Variants in MYO18B observed in about 807,000 individuals in gnomAD.
MYO18B encodes myosin XVIIIB.
MYO18B carries 204 observed loss-of-function variants against 273.0 expected under a neutral mutation model. That is an observed-to-expected ratio of 0.75 (90% CI 0.67 to 0.84). The LOEUF is 0.84. Ranked by LOEUF, MYO18B falls within the 40% of genes least tolerant of loss-of-function variation. The pLI is 0.00. For synonymous variants in MYO18B, 1,330 were observed against 1,305.7 expected (o/e 1.02, Z -0.40); for missense variants, 3,212 against 3,287.6 (o/e 0.98, Z 0.56).
rs781528640 is a variant in MYO18B at position 25,851,475 on chromosome 22, G to A, written c.3781G>A (p.Ala1261Thr). ...EALRLHRTGYADHMGLTRFRR... is the reference protein window; with the variant it reads ...EALRLHRTGYTDHMGLTRFRR... ...GCCTGCTCCTACCTCCCTAGGCTATGCTGACCACATGGGGCTCACTCGCTT... is the reference window on the plus strand; with the variant it reads ...GCCTGCTCCTACCTCCCTAGGCTATACTGACCACATGGGGCTCACTCGCTT... The change falls in exon 21 of 44, where the codon GCT becomes ACT. Residue 1261 changes from alanine to threonine, a missense_variant. By Grantham distance (58) the Ala-to-Thr change is moderately conservative. Coordinates refer to ENST00000335473, the MANE Select transcript of MYO18B (RefSeq NM_032608.7). 2 of 1,554,402 alleles carry A rather than the reference G, an allele frequency of 1.3e-6. No homozygotes were observed. The highest frequency in any genetic ancestry group is 1.7e-6 in the Non-Finnish European group (2 of 1,148,388).
At chr22:25,764,053 C>T (rs759870162) in intron 3 of MYO18B, among the ~76,000 whole-genome samples, 1 of 152,160 alleles carries the variant, frequency 6.6e-6, no homozygotes, top group Non-Finnish European at 1.5e-5. Context: ...TCTCCTGAGT[C>T]CCTTGGAATG....
intron 36 of MYO18B, among the ~76,000 whole-genome samples, chr22:25,949,691 A>G (rs747065600): frequency 2.0e-5 from 3 of 152,212 alleles, no homozygotes; most frequent in African/African-American, 4.8e-5. Context: ...CCACTTGCGA[A>G]TCACACTTAT....
At chr22:25,743,012 A>T (rs2085673786) in intron 1 of MYO18B, among the ~76,000 whole-genome samples, 1 of 152,186 alleles carries the variant, frequency 6.6e-6, no homozygotes, top group South Asian at 2.1e-4. Flanking sequence ...AGAGGAGAAG[A>T]CCTCACCAGC....
intron 25 of MYO18B, among the ~76,000 whole-genome samples, chr22:25,886,795 A>G (rs2146256167): frequency 6.6e-6 from 1 of 152,314 alleles, no homozygotes; most frequent in Non-Finnish European, 1.5e-5. Context: ...GCTGGGAATC[A>G]GGCAGCCCAA....
At position 26,030,996 on chromosome 22, in the gene MYO18B, GA is replaced by G; in HGVS notation, c.*568del. The G allele has an allele frequency of 5.0e-6, 2 of 397,798 alleles. No individual in the cohort carries two copies. The highest frequency in any genetic ancestry group is 8.9e-6 in the Non-Finnish European group (2 of 225,642). The allele number at this position is 397,798 out of a possible 1,614,324, so 24.6% of individuals were successfully genotyped here. On this transcript the variant is annotated 3_prime_UTR_variant, in exon 44 of 44. Coordinates refer to ENST00000335473, the MANE Select transcript of MYO18B (RefSeq NM_032608.7). Reference sequence around the variant, plus strand: ...AGCATTCAAGAAACTGATGAATGATGAATGAATGAATGAGCCAAAGAACAAA... The same window carrying G: ...AGCATTCAAGAAACTGATGAATGATGATGAATGAATGAGCCAAAGAACAAA...
chr22:25,894,870 A>G (rs1460535284), intron 27 of MYO18B: 2 of 238,076 alleles, frequency 8.4e-6, no homozygotes, highest in African/African-American at 4.5e-5. Context: ...GAAGATATGA[A>G]TACACTTATA....
At chr22:26,001,647 ATGT>A (rs1166473063) in intron 40 of MYO18B, among the ~76,000 whole-genome samples, 2 of 152,180 alleles carry the variant, frequency 1.3e-5, no homozygotes, top group Non-Finnish European at 2.9e-5. Context: ...GAACCCATTG[ATGT>A]TGTCCATACA....
At chr22:25,958,219 A>G (rs917292771) in intron 39 of MYO18B, among the ~76,000 whole-genome samples, 1 of 152,052 alleles carries the variant, frequency 6.6e-6, no homozygotes, top group African/African-American at 2.4e-5. Flanking sequence ...CCTGGCCTAC[A>G]AACCCTTTTT....
At chr22:25,978,380 A>G (rs1304747013) in intron 39 of MYO18B, among the ~76,000 whole-genome samples, 1 of 152,210 alleles carries the variant, frequency 6.6e-6, no homozygotes, top group Non-Finnish European at 1.5e-5. Flanking sequence ...GCACAGAGGC[A>G]TCAAAGAACA....
chr22:26,060,243 C>T, the MYO18B span, among the ~76,000 whole-genome samples: 1 of 152,212 alleles, frequency 6.6e-6, no homozygotes, highest in African/African-American at 2.4e-5. Context: ...CTTTGAACTA[C>T]AACAGAAGAT....
At chr22:26,030,307 C>G (rs573484369) in intron 43 of MYO18B, 136 bp from the exon 44 acceptor site, 1 of 152,464 alleles carries the variant, frequency 6.6e-6, no homozygotes, top group East Asian at 1.9e-4. Flanking sequence ...AACCCAGGAG[C>G]TGGAGGCTGC....
chr22:25,875,713 G>A (rs1490223332), intron 23 of MYO18B, among the ~76,000 whole-genome samples: 4 of 152,200 alleles, frequency 2.6e-5, no homozygotes, highest in Non-Finnish European at 5.9e-5. Context: ...ATTCAAGTTT[G>A]AGAAGCATGA....
At chr22:25,891,244 A>G (rs1326130213) in intron 26 of MYO18B, 60 bp from the exon 27 acceptor site, 3 of 1,259,756 alleles carry the variant, frequency 2.4e-6, no homozygotes, top group Middle Eastern at 1.9e-4. Context: ...TTCATGGGTA[A>G]GATGACCAGC....
intron 17 of MYO18B, among the ~76,000 whole-genome samples, chr22:25,835,662 C>T (rs2089872397): frequency 6.6e-6 from 1 of 152,242 alleles, no homozygotes; most frequent in African/African-American, 2.4e-5. Context: ...TGTTAGTTAA[C>T]CAGCCTGGCG....
intron 17 of MYO18B, among the ~76,000 whole-genome samples, chr22:25,836,307 T>C (rs943821721): frequency 6.6e-6 from 1 of 152,184 alleles, no homozygotes; most frequent in African/African-American, 2.4e-5. Flanking sequence ...CTGGCCCTTT[T>C]TTCTCTAGAA....
chr22:25,888,026 G>T (rs1305470961), intron 25 of MYO18B, among the ~76,000 whole-genome samples: 2 of 152,118 alleles, frequency 1.3e-5, no homozygotes, highest in Non-Finnish European at 2.9e-5. Flanking sequence ...TGTATTGTGT[G>T]GCCAGTGCAA....
rs1198692474 is a variant in MYO18B, at chr22:25,770,866, A to C, written c.1580-6A>C. The C allele has an allele frequency of 1.3e-6, 2 of 1,550,666 alleles. No homozygotes were observed. The highest frequency in any genetic ancestry group is 1.2e-5 in the South Asian group (1 of 84,006). On this transcript the variant is annotated splice_region_variant and splice_polypyrimidine_tract_variant and intron_variant, in intron 5 of 43. Transcript: ENST00000335473. ...TTCCCCTTCTCTCTCTGGGATGTCC[A>C]ACCAGCTACGGTGCTAAAGCCAGAT...
intron 42 of MYO18B, among the ~76,000 whole-genome samples, chr22:26,016,555 G>A (rs1047043495): frequency 6.6e-6 from 1 of 152,202 alleles, no homozygotes; most frequent in African/African-American, 2.4e-5. Flanking sequence ...CCAGTGAGTG[G>A]GGATACTGGG....
chr22:26,051,138 A>G, the MYO18B span, among the ~76,000 whole-genome samples: 1 of 151,978 alleles, frequency 6.6e-6, no homozygotes, highest in African/African-American at 2.4e-5. Flanking sequence ...TTTATTGAGT[A>G]CCTATTATCT....
Sources: gnomAD v4.1 joint callset for allele counts (sites outside exome capture counted in the v4.1 genomes callset) on GRCh38, gnomAD v4.1.1 for gene constraint, MANE v1.5 for transcripts, NCBI Gene and HGNC (gene_info 2026-07-23, HGNC 2026-07-21) for gene names.